The following EP300 variants were observed in gnomAD, a reference collection of about 807,000 sequenced individuals.
EP300 encodes the protein histone acetyltransferase p300.
In EP300, 31 loss-of-function variants were observed where a neutral mutation model predicts 264.0. That is an observed-to-expected ratio of 0.12 (90% confidence interval 0.09 to 0.16). The LOEUF (loss-of-function observed/expected upper bound fraction) is 0.16, where lower values mean the gene tolerates loss of function less well. Ranked by LOEUF, EP300 falls within the 10% of genes least tolerant of loss-of-function variation. The probability of loss-of-function intolerance (pLI) is 1.00; values close to 1 mark genes in which losing one functional copy is unlikely to be tolerated. For missense variants in EP300, 2,766 were observed against 3,052.9 expected (o/e 0.91, Z 2.21); for synonymous variants, 1,340 against 1,045.4 (o/e 1.28, Z -5.44).
In EP300 at chr22:41,127,647, A is replaced by T. The variant is rs372759663; in HGVS notation, c.1067A>T (p.Gln356Leu). 1.2e-6 allele frequency: 2 copies of T among 1,614,224 alleles called. No homozygotes were observed. The highest frequency in any genetic ancestry group is 1.7e-6 in the Non-Finnish European group (2 of 1,180,040). The change falls in exon 4 of 31, where the codon CAG becomes CTG. Residue 356 changes from glutamine to leucine, a missense_variant. Transcript: ENST00000263253. ...LHAHKCQRRE[Q>L]ANGEVRQCNL... The stretch of plus-strand genomic sequence containing the variant: ...GCTCACAAGTGCCAGCGCCGGGAAC[A>T]GGCCAATGGGGAAGTGAGGCAGTGC...
chr22:41,134,362 C>T (rs763549825), intron 6 of EP300, among the ~76,000 whole-genome samples: 1 of 151,516 alleles, frequency 6.6e-6, no homozygotes, highest in Non-Finnish European at 1.5e-5. Flanking sequence ...TAACTGGAAA[C>T]GTACGTGTGT....
chr22:41,154,927 C>T, intron 16 of EP300, 68 bp from the exon 17 acceptor site: 1 of 1,060,492 alleles, frequency 9.4e-7, no homozygotes. Context: ...GAGCTTCAGG[C>T]TGAATGATTT....
chr22:41,139,927 G>A (rs894048787), intron 8 of EP300, among the ~76,000 whole-genome samples: 3 of 152,090 alleles, frequency 2.0e-5, no homozygotes, highest in South Asian at 2.1e-4. Flanking sequence ...GGACCAAAGA[G>A]TATTTTTTAT....
chr22:41,094,893 G>T (rs1286622056), intron 1 of EP300, among the ~76,000 whole-genome samples: 1 of 152,070 alleles, frequency 6.6e-6, no homozygotes, highest in Non-Finnish European at 1.5e-5. Context: ...GTTCAGGTGT[G>T]CTACTACTTT....
chr22:41,169,654 A>G, intron 26 of EP300, 38 bp downstream of exon 26: 1 of 1,199,148 alleles, frequency 8.3e-7, no homozygotes, highest in Non-Finnish European at 1.2e-6. Context: ...TTCTTTAACT[A>G]GCATGGCATT....
chr22:41,178,110 G>A lies in EP300; in HGVS notation c.6399G>A (p.Met2133Ile), dbSNP rs1440211714. 1.2e-6 allele frequency: 2 copies of A among 1,614,110 alleles called. No homozygotes were observed. The highest frequency in any genetic ancestry group is 1.7e-6 in the Non-Finnish European group (2 of 1,179,990). ...GVHSNPAMQN[M>I]NPMQAGVQRA... ...ACTCCAATCCAGCCATGCAGAACAT[G>A]AATCCAATGCAGGCGGGCGTTCAGA... Residue 2133 changes from methionine (M) to isoleucine (I), a missense_variant, in exon 31 of 31, where the codon ATG (methionine) becomes ATA (isoleucine). Transcript: ENST00000263253.
chr22:41,134,551 C>T (rs2058939246), intron 6 of EP300, among the ~76,000 whole-genome samples: 1 of 152,100 alleles, frequency 6.6e-6, no homozygotes, highest in Non-Finnish European at 1.5e-5. Context: ...TGCACCACCA[C>T]GCCTGGCTAA....
Position 41,158,475 on chromosome 22 carries a change from G to A in EP300, c.3565G>A (p.Ala1189Thr), listed in dbSNP as rs2145749718. The A allele has an allele frequency of 1.2e-6, 2 of 1,614,114 alleles. No individual in the cohort carries two copies. The highest frequency in any genetic ancestry group is 2.2e-5 in the South Asian group (2 of 91,080). ...GKQLCTIPRD[A>T]TYYSYQNRYH... ...ACAGTTGTGCACAATACCTCGTGAT[G>A]CCACTTATTACAGTTACCAGAACAG... is the stretch of plus-strand genomic sequence containing the variant. Residue 1189 changes from alanine (A) to threonine (T), a missense_variant, in exon 19 of 31, where the codon GCC becomes ACC. By Grantham distance (58) the Ala-to-Thr change is moderately conservative (BLOSUM62 0). Coordinates refer to ENST00000263253, the MANE Select transcript of EP300 (RefSeq NM_001429.4).
At chr22:41,132,495 G>C (rs1301903572) in intron 6 of EP300, among the ~76,000 whole-genome samples, 1 of 151,734 alleles carries the variant, frequency 6.6e-6, no homozygotes, top group Non-Finnish European at 1.5e-5. Flanking sequence ...CACCATGTTG[G>C]CCATGATGAT....
intron 16 of EP300, among the ~76,000 whole-genome samples, chr22:41,154,717 C>T (rs749590743): frequency 2.0e-5 from 3 of 152,108 alleles, no homozygotes; most frequent in East Asian, 1.9e-4. Context: ...TCTAATTGAC[C>T]GAGTCTGTCT....
rs778522586 is a variant in EP300 at position 41,093,071 on chromosome 22, C to T, written c.67C>T (p.Leu23Phe). The change falls in exon 1 of 31, where the codon CTC becomes TTC. Residue 23 changes from leucine to phenylalanine, a missense_variant. By Grantham distance (22) the Leu-to-Phe change is conservative. Coordinates refer to ENST00000263253, the MANE Select transcript of EP300 (RefSeq NM_001429.4). ...AKRPKLSSPA[L>F]SASASDGTDF... ...GCGGCCTAAACTCTCATCTCCGGCC[C>T]TCTCGGCGTCCGCCAGCGATGGCAC... is the stretch of plus-strand genomic sequence containing the variant. 2 of 1,614,130 alleles carry T rather than the reference C, an allele frequency of 1.2e-6. No individual in the cohort carries two copies. The highest frequency in any genetic ancestry group is 8.5e-7 in the Non-Finnish European group (1 of 1,180,024).
At chr22:41,118,808 AAAG>A (rs917613842) in intron 2 of EP300, among the ~76,000 whole-genome samples, 123 of 25,682 alleles carry the variant, frequency 4.8e-3, no homozygotes, top group East Asian at 0.028. Flanking sequence ...AAAAAAAAAA[AAAG>A]AACCTTGATG....
At chr22:41,106,841 C>T (rs951318458) in intron 1 of EP300, among the ~76,000 whole-genome samples, 3 of 152,136 alleles carry the variant, frequency 2.0e-5, no homozygotes, top group African/African-American at 7.2e-5. Context: ...AAGCAGCCTG[C>T]CTTGGCCTCC....
chr22:41,152,321 C>A lies in EP300; in HGVS notation c.3113C>A (p.Ser1038Tyr), dbSNP rs2145741075. Residue 1038 changes from serine (S) to tyrosine (Y), a missense_variant, in exon 16 of 31, where the codon TCT becomes TAT. By Grantham distance (144) the Ser-to-Tyr change is moderately radical (BLOSUM62 -2). Coordinates refer to ENST00000263253, the MANE Select transcript of EP300 (RefSeq NM_001429.4). ...CCAAGTACTTCAGCTACCCAGTCAT[C>A]TCCGGCTCCAGGACAGTCAAAGAAA... is the stretch of plus-strand genomic sequence containing the variant. ...DQPSTSATQS[S>Y]PAPGQSKKKI... 1 of 1,614,010 alleles carries A rather than the reference C, an allele frequency of 6.2e-7. No homozygotes were observed. Among genetic ancestry groups the A allele is most frequent in the Non-Finnish European group, 8.5e-7 (1 of 1,179,970 alleles).
intron 1 of EP300, among the ~76,000 whole-genome samples, chr22:41,105,630 C>T (rs955592525): frequency 2.6e-5 from 4 of 152,026 alleles, no homozygotes; most frequent in African/African-American, 7.2e-5. Flanking sequence ...AACTCCTGAC[C>T]TCATGATCCA....
rs1376199289 is a variant in EP300 at position 41,150,000 on chromosome 22, A to C, written c.2619A>C (p.Pro873=). The C allele has an allele frequency of 6.2e-7, 1 of 1,613,560 alleles. No homozygotes were observed. Among genetic ancestry groups the C allele is most frequent in the South Asian group, 1.1e-5 (1 of 91,066 alleles). Residue 873 remains proline, a synonymous_variant, in exon 14 of 31, where the codon CCA becomes CCC. Transcript: ENST00000263253. ...VPTPPAMPPG[P]QSQALHPPPR... ...CACCTCCTGCCATGCCACCTGGGCC[A>C]CAGTCCCAGGCTCTACATCCCCCTC...
chr22:41,174,972 G>T (rs915382684), intron 29 of EP300: 2 of 149,480 alleles, frequency 1.3e-5, no homozygotes, highest in African/African-American at 2.5e-5. Flanking sequence ...TGTTAGCCTA[G>T]AATAATGGGC....
chr22:41,126,107 T>TA, intron 3 of EP300, 67 bp downstream of exon 3: 1 of 1,522,712 alleles, frequency 6.6e-7, no homozygotes, highest in Admixed American at 1.7e-5. Flanking sequence ...GTGTTAAACT[T>TA]TCACCCTTCT....
chr22:41,110,282 A>ATTTTT lies in EP300; in HGVS notation c.95-6871_95-6867dup, dbSNP rs71200660. ...AGGTGCATGCCAGCATATCCAGCTA[A>ATTTTT]TTTTTTTTTTTTTTTTTTTTTTTTT... On this transcript the variant is annotated intron_variant, in intron 1 of 30. Coordinates refer to ENST00000263253, the MANE Select transcript of EP300 (RefSeq NM_001429.4). Among the ~76,000 whole-genome samples the ATTTTT allele has an allele frequency of 2.3e-4, 11 of 48,220 alleles. 2 individuals carry two copies. Among genetic ancestry groups the ATTTTT allele is most frequent in the Non-Finnish European group, 3.3e-4 (9 of 26,878 alleles). 31.6% of individuals were successfully genotyped at this position (48,220 alleles called of 152,430 possible). A position where few individuals can be genotyped will look rare whatever the true frequency, so the allele number is the denominator to read the frequency against.
Sources: allele counts gnomAD v4.1 joint callset (sites outside exome capture counted in the v4.1 genomes callset), GRCh38; gene constraint gnomAD v4.1.1; transcripts MANE v1.5; gene names NCBI Gene and HGNC (gene_info 2026-07-23, HGNC 2026-07-21).